Variants in RPL11 observed in about 807,000 individuals in gnomAD.
RPL11 encodes the protein large ribosomal subunit protein uL5.
In RPL11, 3 loss-of-function variants were observed where a neutral mutation model predicts 24.1. That is an observed-to-expected ratio of 0.12 (90% confidence interval 0.06 to 0.32). RPL11 has a LOEUF of 0.32. RPL11 is among the 10% of genes least tolerant of loss of function. RPL11 has a pLI of 1.00. For synonymous variants in RPL11, 96 were observed against 75.7 expected (o/e 1.27, Z -1.39); for missense variants, 146 against 225.7 (o/e 0.65, Z 2.26).
intron 3 of RPL11, 84 bp downstream of exon 3, chr1:23,693,997 C>T: frequency 2.0e-6 from 2 of 1,000,596 alleles, no homozygotes; most frequent in Middle Eastern, 2.2e-4. Context: ...ATGTTCTGTT[C>T]TTTGGTGTCT....
At position 23,696,479 on chromosome 1, in the gene RPL11, C is replaced by G; in HGVS notation, c.*106C>G. ...TGGCCATATTCAAGTCCTTGGACCT[C>G]AAGCCACTTAAAGCTTCGATGGGAG... On this transcript the variant is annotated 3_prime_UTR_variant, in exon 6 of 6. Coordinates refer to ENST00000643754, the MANE Select transcript of RPL11 (RefSeq NM_000975.5). 8.6e-7 allele frequency: 1 copy of G among 1,161,306 alleles called. No individual in the cohort carries two copies. Among genetic ancestry groups the G allele is most frequent in the Non-Finnish European group, 1.3e-6 (1 of 779,202 alleles). The allele number at this position is 1,161,306 out of a possible 1,614,324, so 71.9% of individuals were successfully genotyped here. A position where few individuals can be genotyped will look rare whatever the true frequency, so the allele number is the denominator to read the frequency against.
rs1644533537 is a variant in RPL11, at chr1:23,696,503, A to C, written c.*130A>C. The C allele has an allele frequency of 2.3e-6, 2 of 863,824 alleles. No individual in the cohort carries two copies. The highest frequency in any genetic ancestry group is 3.9e-6 in the Non-Finnish European group (2 of 518,290). 53.5% of individuals were successfully genotyped at this position (863,824 alleles called of 1,614,324 possible). A position where few individuals can be genotyped will look rare whatever the true frequency, so the allele number is the denominator to read the frequency against. On this transcript the variant is annotated 3_prime_UTR_variant, in exon 6 of 6. Transcript: ENST00000643754. ...TCAAGCCACTTAAAGCTTCGATGGG[A>C]GTAGCTGGTAACAACCCCGTCATCC... is the stretch of plus-strand genomic sequence containing the variant.
intron 2 of RPL11, among the ~76,000 whole-genome samples, chr1:23,693,569 G>A (rs1458768545): frequency 1.3e-5 from 2 of 152,106 alleles, no homozygotes; most frequent in South Asian, 2.1e-4. Context: ...CTGGAACTTC[G>A]GCGTTATGAC....
At chr1:23,694,566 G>A (rs2124430830) in intron 3 of RPL11, 94 bp from the exon 4 acceptor site, 1 of 1,543,110 alleles carries the variant, frequency 6.5e-7, no homozygotes, top group Middle Eastern at 2.3e-4. Context: ...TTTGCTCTGG[G>A]GTGCATGTTG....
Position 23,695,877 on chromosome 1 carries a change from A to G in RPL11, c.476A>G (p.Lys159Arg), listed in dbSNP as rs991197389. The change falls in exon 5 of 6, where the codon AAA becomes AGA. Residue 159 changes from lysine (K) to arginine (R), a missense_variant. Physicochemically the swap from Lys to Arg is conservative, Grantham distance 26 (BLOSUM62 2). Coordinates refer to ENST00000643754, the MANE Select transcript of RPL11 (RefSeq NM_000975.5). ...ATTGGGGCCAAACACAGAATCAGCA[A>G]AGAGGAGGCCATGCGCTGGTTCCAG... ...GCIGAKHRIS[K>R]EEAMRWFQQK... The G allele has an allele frequency of 6.3e-7, 1 of 1,595,784 alleles. No homozygotes were observed. Among genetic ancestry groups the G allele is most frequent in the Non-Finnish European group, 8.5e-7 (1 of 1,171,012 alleles).
Position 23,693,923 on chromosome 1 carries a change from AT to A in RPL11, c.264+11del, listed in dbSNP as rs1388746959. 1 of 1,596,176 alleles carries A rather than the reference AT, an allele frequency of 6.3e-7. No individual in the cohort carries two copies. The highest frequency in any genetic ancestry group is 1.1e-5 in the South Asian group (1 of 90,738). On this transcript the variant is annotated intron_variant, in intron 3 of 5. Coordinates refer to ENST00000643754, the MANE Select transcript of RPL11 (RefSeq NM_000975.5). ...GGAGAAGGGTCTAAAGGTGAGCCTA[AT>A]CCCCTAATGGAGTGATATTGATCAG...
At chr1:23,694,226 A>C (rs1644519661) in intron 3 of RPL11, among the ~76,000 whole-genome samples, 1 of 151,914 alleles carries the variant, frequency 6.6e-6, no homozygotes, top group African/African-American at 2.4e-5. Flanking sequence ...AAAAAGATAA[A>C]AATTAGCCGG....
intron 1 of RPL11, 200 bp from the exon 2 acceptor site, chr1:23,692,409 C>G (rs1557434007): frequency 9.8e-6 from 6 of 611,498 alleles, no homozygotes; most frequent in Non-Finnish European, 1.4e-5. Flanking sequence ...TTTCTCTTCA[C>G]CCGTTCCGTT....
chr1:23,692,388 C>G (rs1644506114), intron 1 of RPL11: 1 of 559,920 alleles, frequency 1.8e-6, no homozygotes, highest in South Asian at 2.0e-5. Flanking sequence ...CACTCAATAA[C>G]TGTCCTGAGT....
At chr1:23,692,285 C>T (rs1644505317) in intron 1 of RPL11, 2 of 425,468 alleles carry the variant, frequency 4.7e-6, no homozygotes, top group East Asian at 5.0e-5. Context: ...AGTTCTGTTT[C>T]TTCGCTCACT....
At chr1:23,692,880 A>C in intron 2 of RPL11, 121 bp downstream of exon 2, 17 of 1,256,322 alleles carry the variant, frequency 1.4e-5, no homozygotes, top group African/African-American at 1.5e-5. Flanking sequence ...CATTAAATTC[A>C]TGAGCCGGCC....
In RPL11 at chr1:23,695,891, C is replaced by T. The variant is rs777313952; in HGVS notation, c.490C>T (p.Arg164Cys). The T allele has an allele frequency of 9.5e-6, 15 of 1,586,386 alleles. No homozygotes were observed. The highest frequency in any genetic ancestry group is 1.3e-5 in the Non-Finnish European group (15 of 1,165,960). The change falls in exon 5 of 6, where the codon CGC becomes TGC. Residue 164 changes from arginine to cysteine, a missense_variant. Arg to Cys is a radical substitution (Grantham distance 180). Coordinates refer to ENST00000643754, the MANE Select transcript of RPL11 (RefSeq NM_000975.5). ...CAGAATCAGCAAAGAGGAGGCCATGCGCTGGTTCCAGCAGAAGGTAAAGCT... is the reference window on the plus strand; with the variant it reads ...CAGAATCAGCAAAGAGGAGGCCATGTGCTGGTTCCAGCAGAAGGTAAAGCT... ...KHRISKEEAM[R>C]WFQQKYDGII...
intron 1 of RPL11, 25 bp downstream of exon 1, chr1:23,691,854 C>G (rs374151154): frequency 6.2e-7 from 1 of 1,614,216 alleles, no homozygotes. Flanking sequence ...CCTGGATTTG[C>G]TTTCCTTTAT....
intron 2 of RPL11, 137 bp from the exon 3 acceptor site, chr1:23,693,670 A>G (rs1644515668): frequency 4.3e-6 from 3 of 693,634 alleles, no homozygotes; most frequent in Non-Finnish European, 5.3e-6. Flanking sequence ...GGGAGACACT[A>G]ATTAGAACAC....
rs1192309572 is a variant in RPL11 at position 23,692,382 on chromosome 1, CAAT to C, written c.7-224_7-222del. On this transcript the variant is annotated intron_variant, in intron 1 of 5. Transcript: ENST00000643754. Reference sequence around the variant, plus strand: ...CTCAGTGTCCGTATCTTTTAACACTCAATAACTGTCCTGAGTTTTCTCTTCACC... The same window carrying C: ...CTCAGTGTCCGTATCTTTTAACACTCAACTGTCCTGAGTTTTCTCTTCACC... The C allele has an allele frequency of 1.8e-5, 10 of 550,140 alleles. No homozygotes were observed. The East Asian group carries it at 3.3e-4, about 18-fold the overall frequency. 34.1% of individuals were successfully genotyped at this position (550,140 alleles called of 1,614,324 possible).
chr1:23,692,014 G>C, intron 1 of RPL11, 185 bp downstream of exon 1: 1 of 820,020 alleles, frequency 1.2e-6, no homozygotes, highest in Non-Finnish European at 2.0e-6. Context: ...CCCTGCCATC[G>C]TTTTAGGAGC....
intron 2 of RPL11, 46 bp from the exon 3 acceptor site, chr1:23,693,761 G>GT: frequency 7.8e-7 from 1 of 1,286,350 alleles, no homozygotes; most frequent in East Asian, 2.3e-5. Context: ...GGTGAGTGTA[G>GT]TGGGGGTATG....
At chr1:23,693,566 T>C (rs561457613) in intron 2 of RPL11, among the ~76,000 whole-genome samples, 1 of 152,362 alleles carries the variant, frequency 6.6e-6, no homozygotes, top group South Asian at 2.1e-4. Flanking sequence ...TTCCTGGAAC[T>C]TCGGCGTTAT....
intron 1 of RPL11, chr1:23,692,304 T>C: frequency 2.3e-6 from 1 of 437,794 alleles, no homozygotes; most frequent in Non-Finnish European, 4.2e-6. Flanking sequence ...CTCCCCTTAG[T>C]TGGCCTTACA....
Sources: allele counts gnomAD v4.1 joint callset (sites outside exome capture counted in the v4.1 genomes callset), GRCh38; gene constraint gnomAD v4.1.1; transcripts MANE v1.5; gene names NCBI Gene and HGNC (gene_info 2026-07-23, HGNC 2026-07-21).